Variants in KSR2 observed in about 807,000 individuals in gnomAD.
The protein encoded by KSR2 is kinase suppressor of ras 2.
Under a neutral mutation model 107.8 loss-of-function variants are expected in KSR2, and 25 were observed. That is an observed-to-expected ratio of 0.23 (90% CI 0.17 to 0.32). The LOEUF is 0.32. Ranked by LOEUF, KSR2 falls within the 10% of genes least tolerant of loss-of-function variation. The pLI is 1.00. For missense variants in KSR2, 887 were observed against 1,268.9 expected, an observed-to-expected ratio of 0.70 and a Z score of 4.57; for synonymous variants, 480 against 507.0, an observed-to-expected ratio of 0.95 and a Z score of 0.71.
intron 16 of KSR2, among the ~76,000 whole-genome samples, chr12:117,483,336 T>G (rs1872277272): frequency 6.6e-6 from 1 of 151,726 alleles, no homozygotes; most frequent in Non-Finnish European, 1.5e-5. Context: ...CAAACAAGAT[T>G]CACTTTGTCC....
chr12:117,539,659 C>T, intron 10 of KSR2, 60 bp downstream of exon 10: 1 of 1,471,906 alleles, frequency 6.8e-7, no homozygotes, highest in Non-Finnish European at 9.1e-7. Context: ...AACCCACCCC[C>T]TCCCTAATCT....
rs139950624 is a variant in KSR2, at chr12:117,801,951, C to A, written c.473-40427G>T. ...AAACTTGTCCCTAAGAAAAGGGTGACTGAAAAGGCAATGGAAGGGGCGTGG... is the reference window on the plus strand; with the variant it reads ...AAACTTGTCCCTAAGAAAAGGGTGAATGAAAAGGCAATGGAAGGGGCGTGG... On this transcript the variant is annotated intron_variant, in intron 3 of 19. Transcript: ENST00000339824. Among the ~76,000 whole-genome samples, 6 of 152,186 alleles carry A rather than the reference C, an allele frequency of 3.9e-5. No homozygotes were observed. The East Asian group carries it at 1.2e-3, about 29-fold the overall frequency.
intron 4 of KSR2, among the ~76,000 whole-genome samples, chr12:117,751,491 G>C (rs1299146952): frequency 6.6e-6 from 1 of 152,142 alleles, no homozygotes; most frequent in Non-Finnish European, 1.5e-5. Flanking sequence ...GGGCCACAGT[G>C]CTCATCAAAT....
At chr12:117,506,218 G>A (rs966735320) in intron 14 of KSR2, among the ~76,000 whole-genome samples, 3 of 152,166 alleles carry the variant, frequency 2.0e-5, no homozygotes, top group African/African-American at 4.8e-5. Flanking sequence ...TGGGCCCAAC[G>A]AAACATCTTC....
At chr12:117,680,977 A>G (rs570334540) in intron 4 of KSR2, among the ~76,000 whole-genome samples, 61 of 152,320 alleles carry the variant, frequency 4.0e-4, no homozygotes, top group African/African-American at 1.5e-3. Context: ...CTACTTAAGA[A>G]TAAGAGCTAC....
At chr12:117,599,324 C>T (rs1226629019) in intron 5 of KSR2, among the ~76,000 whole-genome samples, 1 of 152,196 alleles carries the variant, frequency 6.6e-6, no homozygotes, top group African/African-American at 2.4e-5. Flanking sequence ...GTCACTGGTT[C>T]CCAAACTTCA....
intron 5 of KSR2, among the ~76,000 whole-genome samples, chr12:117,651,495 A>G (rs1477509438): frequency 6.6e-6 from 1 of 152,232 alleles, no homozygotes; most frequent in Non-Finnish European, 1.5e-5. Context: ...TGGGGGAAGG[A>G]ACACAGAGTT....
At chr12:117,910,246 A>G (rs1385049105) in intron 1 of KSR2, among the ~76,000 whole-genome samples, 2 of 152,160 alleles carry the variant, frequency 1.3e-5, no homozygotes, top group Admixed American at 6.5e-5. Context: ...AGAAGAAGAA[A>G]AAAAAGAGTA....
chr12:117,796,352 T>C (rs1275708310), intron 3 of KSR2, among the ~76,000 whole-genome samples: 1 of 152,188 alleles, frequency 6.6e-6, no homozygotes, highest in Non-Finnish European at 1.5e-5. Flanking sequence ...AGTAAGGTGA[T>C]GGTGAGGACT....
chr12:117,673,103 C>A (rs539386268), intron 4 of KSR2, among the ~76,000 whole-genome samples: 89 of 152,290 alleles, frequency 5.8e-4, no homozygotes, highest in South Asian at 2.1e-3. Context: ...TGACCCAGCA[C>A]AAGTTTAGCA....
intron 1 of KSR2, among the ~76,000 whole-genome samples, chr12:117,950,186 G>A (rs1314949335): frequency 6.6e-6 from 1 of 151,900 alleles, no homozygotes; most frequent in African/African-American, 2.4e-5. Context: ...GTTGCCCGGG[G>A]TGGTCTCGAA....
At chr12:117,867,410 T>A (rs1460185024) in intron 1 of KSR2, among the ~76,000 whole-genome samples, 4 of 152,168 alleles carry the variant, frequency 2.6e-5, no homozygotes, top group African/African-American at 4.8e-5. Flanking sequence ...CACACCCACC[T>A]GAGGAAGGCT....
chr12:117,469,552 T>C (rs1566120070), intron 19 of KSR2, 110 bp downstream of exon 19: 1 of 1,305,342 alleles, frequency 7.7e-7, no homozygotes, highest in Admixed American at 2.2e-5. Context: ...GGTGGGCACA[T>C]GGATAGGAGC....
chr12:117,498,911 T>C (rs1873203619), intron 14 of KSR2, among the ~76,000 whole-genome samples: 1 of 152,250 alleles, frequency 6.6e-6, no homozygotes. Context: ...CTTTTGTAAA[T>C]TGCCTAGTCT....
chr12:117,900,135 G>A (rs1780966059), intron 1 of KSR2, among the ~76,000 whole-genome samples: 2 of 152,188 alleles, frequency 1.3e-5, no homozygotes. Context: ...GATAATAAAT[G>A]TGTGTTGTTT....
At chr12:117,778,226 G>A (rs1889763290) in intron 3 of KSR2, among the ~76,000 whole-genome samples, 1 of 152,068 alleles carries the variant, frequency 6.6e-6, no homozygotes. Context: ...AAGTAGCTGG[G>A]ATTACAGGTG....
chr12:117,470,313 A>T (rs1465636649), intron 18 of KSR2, among the ~76,000 whole-genome samples: 9 of 151,696 alleles, frequency 5.9e-5, no homozygotes, highest in Admixed American at 5.9e-4. Flanking sequence ...TCATCCACTC[A>T]TCCACCCATC....
chr12:117,939,037 G>A (rs1337489566), intron 1 of KSR2, among the ~76,000 whole-genome samples: 2 of 151,522 alleles, frequency 1.3e-5, no homozygotes, highest in East Asian at 1.9e-4. Context: ...TTCCTGTAAA[G>A]TGACTGAAGA....
At chr12:117,663,231 C>T (rs1355312730) in intron 5 of KSR2, among the ~76,000 whole-genome samples, 2 of 152,212 alleles carry the variant, frequency 1.3e-5, no homozygotes, top group African/African-American at 4.8e-5. Flanking sequence ...CACAACCGAG[C>T]ACTGCAGAGT....
Sources: allele counts gnomAD v4.1 joint callset (sites outside exome capture counted in the v4.1 genomes callset), GRCh38; gene constraint gnomAD v4.1.1; transcripts MANE v1.5; gene names NCBI Gene and HGNC (gene_info 2026-07-23, HGNC 2026-07-21).